VIT: variants seen among roughly 807,000 people sequenced by gnomAD.
VIT encodes vitrin.
Under a neutral mutation model 78.0 loss-of-function variants are expected in VIT, and 99 were observed. That is an observed-to-expected ratio of 1.27 (90% CI 1.08 to 1.50). The LOEUF is 1.50. Ranked by LOEUF, VIT falls within the 40% of genes most tolerant of loss-of-function variation. The probability of loss-of-function intolerance (pLI) is 0.00; values close to 1 mark genes in which losing one functional copy is unlikely to be tolerated. For missense variants in VIT, 1,126 were observed against 875.3 expected (o/e 1.29, Z -3.61); for synonymous variants, 374 against 334.3 (o/e 1.12, Z -1.29).
intron 12 of VIT, among the ~76,000 whole-genome samples, chr2:36,796,313 C>T (rs1665897970): frequency 6.6e-6 from 1 of 152,130 alleles, no homozygotes; most frequent in Non-Finnish European, 1.5e-5. Context: ...ACATGTAAAA[C>T]AAGGTTATAT....
intron 6 of VIT, 92 bp downstream of exon 6, chr2:36,759,138 C>T (rs763357178): frequency 4.5e-5 from 72 of 1,611,552 alleles, no homozygotes; most frequent in East Asian, 6.7e-5. Context: ...ACATCTTAAC[C>T]GGTCAAGCTC....
At chr2:36,774,977 G>T (rs770508615) in intron 8 of VIT, 25 bp from the exon 9 acceptor site, 1 of 1,612,670 alleles carries the variant, frequency 6.2e-7, no homozygotes, top group Admixed American at 1.7e-5. Flanking sequence ...TGTGTAAATC[G>T]GCTGACCCTG....
chr2:36,708,483 G>A (rs933498030), intron 1 of VIT, among the ~76,000 whole-genome samples: 2 of 152,002 alleles, frequency 1.3e-5, no homozygotes, highest in African/African-American at 2.4e-5. Flanking sequence ...AGCCTCTAGG[G>A]GGCTTATTAA....
intron 2 of VIT, among the ~76,000 whole-genome samples, chr2:36,717,125 T>G (rs1337784803): frequency 6.6e-6 from 1 of 151,662 alleles, no homozygotes; most frequent in African/African-American, 2.4e-5. Flanking sequence ...TCCGTCCACC[T>G]CAGCCTCCCA....
intron 7 of VIT, among the ~76,000 whole-genome samples, chr2:36,768,065 A>G (rs1451320383): frequency 6.6e-5 from 10 of 152,162 alleles, no homozygotes; most frequent in Admixed American, 6.5e-4. Flanking sequence ...CTACTGCCAC[A>G]TAGCATGACC....
chr2:36,734,750 T>G (rs1196907890), intron 3 of VIT, among the ~76,000 whole-genome samples: 1 of 152,198 alleles, frequency 6.6e-6, no homozygotes, highest in Admixed American at 6.5e-5. Flanking sequence ...CTTTGTCTTC[T>G]CACCCCTTTT....
chr2:36,773,041 A>G (rs1669849158), intron 7 of VIT, among the ~76,000 whole-genome samples: 1 of 152,250 alleles, frequency 6.6e-6, no homozygotes, highest in Non-Finnish European at 1.5e-5. Flanking sequence ...AGAGTAATTA[A>G]CGATAACCCA....
intron 1 of VIT, among the ~76,000 whole-genome samples, chr2:36,712,444 C>T (rs1337584588): frequency 6.6e-6 from 1 of 152,194 alleles, no homozygotes; most frequent in South Asian, 2.1e-4. Context: ...CTCTGCTCTC[C>T]GCCTTCCCTT....
intron 15 of VIT, among the ~76,000 whole-genome samples, chr2:36,810,121 G>A (rs1369974545): frequency 2.0e-5 from 3 of 151,776 alleles, no homozygotes; most frequent in African/African-American, 4.8e-5. Flanking sequence ...CAGAAACCCC[G>A]TCGCTACTAA....
chr2:36,699,922 T>C (rs1016726869), intron 1 of VIT, among the ~76,000 whole-genome samples: 2 of 152,212 alleles, frequency 1.3e-5, no homozygotes, highest in Non-Finnish European at 2.9e-5. Context: ...TTAAAGTCTC[T>C]TGGCCTCAGT....
intron 11 of VIT, among the ~76,000 whole-genome samples, chr2:36,785,340 C>A (rs1212446700): frequency 1.3e-5 from 2 of 151,998 alleles, no homozygotes; most frequent in African/African-American, 4.8e-5. Flanking sequence ...TGCTAGTAGG[C>A]GGCAAACCCT....
chr2:36,754,157 A>C (rs1392206970), intron 4 of VIT, among the ~76,000 whole-genome samples: 1 of 152,156 alleles, frequency 6.6e-6, no homozygotes, highest in East Asian at 1.9e-4. Flanking sequence ...TTGTTGACTC[A>C]TCAGGAAGGT....
chr2:36,808,606 G>A lies in VIT; in HGVS notation c.1524G>A (p.Ser508=), dbSNP rs201887923. The A allele has an allele frequency of 2.1e-5, 34 of 1,614,180 alleles. No individual in the cohort carries two copies. Among genetic ancestry groups the A allele is most frequent in the African/African-American group, 8.0e-5 (6 of 75,042 alleles). ...RLACSKTCLN[S]ADIGFVIDGS... ...CCTGCAGCAAGACCTGCTTGAACTC[G>A]GCTGACATTGGCTTCGTCATCGACG... is the stretch of plus-strand genomic sequence containing the variant. Residue 508 remains serine, a synonymous_variant, in exon 15 of 16, where the codon TCG becomes TCA. Coordinates refer to ENST00000379242, the MANE Select transcript of VIT (RefSeq NM_053276.4).
intron 12 of VIT, among the ~76,000 whole-genome samples, chr2:36,793,997 A>C (rs911884365): frequency 6.6e-6 from 1 of 152,210 alleles, no homozygotes; most frequent in Admixed American, 6.5e-5. Context: ...TATATAGTTT[A>C]GTAAGTGCCT....
At chr2:36,758,873 G>C (rs913895304) in intron 5 of VIT, 96 bp from the exon 6 acceptor site, 5 of 1,037,336 alleles carry the variant, frequency 4.8e-6, no homozygotes, top group Non-Finnish European at 4.4e-6. Flanking sequence ...GAACTGAAGA[G>C]AGATAAATTG....
chr2:36,792,518 C>G lies in VIT; in HGVS notation c.1058+5242C>G, dbSNP rs555689083. 3.9e-5 allele frequency among the ~76,000 whole-genome samples: 6 copies of G among 152,256 alleles called. No homozygotes were observed. The East Asian group carries it at 9.7e-4, about 25-fold the overall frequency. On this transcript the variant is annotated intron_variant, in intron 12 of 15. Coordinates refer to ENST00000379242, the MANE Select transcript of VIT (RefSeq NM_053276.4). ...CACATCCACTGGGTTTATCTGGGGT[C>G]CCTGAGATCAGTCTCCCCGCAGAGA...
At chr2:36,708,115 C>CG (rs1463666997) in intron 1 of VIT, among the ~76,000 whole-genome samples, 1 of 149,510 alleles carries the variant, frequency 6.7e-6, no homozygotes, top group Admixed American at 6.6e-5. Context: ...GGACCTCCCC[C>CG]CCCCGCCCAC....
chr2:36,734,467 G>A (rs1667388201), intron 3 of VIT, among the ~76,000 whole-genome samples: 1 of 152,090 alleles, frequency 6.6e-6, no homozygotes, highest in Non-Finnish European at 1.5e-5. Context: ...TTTCCCCAGA[G>A]GCCTCCTCTC....
intron 1 of VIT, among the ~76,000 whole-genome samples, chr2:36,708,110 TC>T (rs141908586): frequency 0.011 from 1,498 of 137,874 alleles, 22 homozygotes; most frequent in Middle Eastern, 0.036. Flanking sequence ...GTAAAGGACC[TC>T]CCCCCCCCGC....
Sources: allele counts gnomAD v4.1 joint callset (sites outside exome capture counted in the v4.1 genomes callset), GRCh38; gene constraint gnomAD v4.1.1; transcripts MANE v1.5; gene names NCBI Gene and HGNC (gene_info 2026-07-23, HGNC 2026-07-21).